Variants in ZNF236 observed in about 807,000 individuals in gnomAD.
ZNF236 encodes zinc finger protein 236, also known as regulated by glucose.
A neutral mutation model predicts 191.2 loss-of-function variants in ZNF236; 50 were observed. The observed-to-expected ratio is 0.26, with a 90% CI of 0.21 to 0.33. The LOEUF (loss-of-function observed/expected upper bound fraction) is 0.33. Ranked by LOEUF, ZNF236 falls within the 10% of genes least tolerant of loss-of-function variation. The pLI, the probability that ZNF236 is intolerant of heterozygous loss-of-function variation, is 1.00. For synonymous variants in ZNF236, 907 were observed against 928.8 expected, an observed-to-expected ratio of 0.98 and a Z score of 0.43; for missense variants, 1,754 against 2,374.5, an observed-to-expected ratio of 0.74 and a Z score of 5.43.
rs748028628 is a variant in ZNF236, at chr18:76,927,979, C to T, written c.4467C>T (p.Ser1489=). The T allele has an allele frequency of 1.6e-5, 26 of 1,613,520 alleles. No homozygotes were observed. Among genetic ancestry groups the T allele is most frequent in the South Asian group, 8.8e-5 (8 of 91,040 alleles). The change falls in exon 25 of 31, where the codon TCC becomes TCT. Residue 1489 remains serine (S), a synonymous_variant. Transcript: ENST00000320610. The surrounding 1 kb of genome is among the most constrained non-coding windows in gnomAD (Gnocchi z 5.4). ...VMTSQGLVSP[S]GGPHEITLTI... is the part of the protein sequence containing the mutation. ...CTTCGCAAGGTCTAGTGTCCCCCTC[C>T]GGCGGTCCCCACGAGATCACCCTGA...
chr18:76,922,186 C>T (rs948617455), intron 20 of ZNF236, among the ~76,000 whole-genome samples: 6 of 152,146 alleles, frequency 3.9e-5, no homozygotes, highest in Admixed American at 1.3e-4. Context: ...CCCCTCCCGA[C>T]GAACACTGAG....
At chr18:76,934,827 A>G (rs1056406361) in intron 25 of ZNF236, among the ~76,000 whole-genome samples, 5 of 152,248 alleles carry the variant, frequency 3.3e-5, no homozygotes, top group Non-Finnish European at 1.5e-5. Flanking sequence ...GAAAAAACTG[A>G]TATCATATCT....
intron 5 of ZNF236, among the ~76,000 whole-genome samples, chr18:76,874,164 ACTGT>A (rs1475890854): frequency 6.6e-6 from 1 of 151,526 alleles, no homozygotes; most frequent in African/African-American, 2.4e-5. Flanking sequence ...GTGCCTCCTG[ACTGT>A]CTGTCCTCCT....
Position 76,904,485 on chromosome 18 carries a change from C to T in ZNF236, c.2000C>T (p.Ala667Val). The T allele has an allele frequency of 6.2e-7, 1 of 1,605,898 alleles. No homozygotes were observed. The highest frequency in any genetic ancestry group is 8.5e-7 in the Non-Finnish European group (1 of 1,176,500). The change falls in exon 12 of 31, where the codon GCA (alanine) becomes GTA (valine). Residue 667 changes from alanine to valine, a missense_variant. By Grantham distance (64) the Ala-to-Val change is moderately conservative (BLOSUM62 0). This residue lies in a region of ZNF236 where 641 missense variants were observed against 869.6 expected (regional missense o/e 0.74). Transcript: ENST00000320610. ...RPYKCFYCHR[A>V]YKKSCHLKQH... is the part of the protein sequence containing the mutation. ...TACAAGTGTTTTTACTGTCATCGTG[C>T]ATATAAAAAATCTTGCCACCTTAAA...
intron 2 of ZNF236, among the ~76,000 whole-genome samples, chr18:76,850,074 T>A (rs918507328): frequency 6.6e-6 from 1 of 152,224 alleles, no homozygotes; most frequent in Non-Finnish European, 1.5e-5. Flanking sequence ...AGGTTGTGTT[T>A]CAGGAGGGAG....
chr18:76,840,477 A>G (rs371657858), intron 1 of ZNF236, among the ~76,000 whole-genome samples: 2 of 151,732 alleles, frequency 1.3e-5, no homozygotes, highest in Non-Finnish European at 2.9e-5. Context: ...CTGGGCAACA[A>G]GAGTGAAACT....
rs774527548 is a variant in ZNF236, at chr18:76,972,130, G to A, written c.*3791G>A. Among the ~76,000 whole-genome samples, 4 of 152,284 alleles carry A rather than the reference G, an allele frequency of 2.6e-5. No individual in the cohort carries two copies. Among genetic ancestry groups the A allele is most frequent in the East Asian group, 1.9e-4 (1 of 5,190 alleles). On this transcript the variant is annotated 3_prime_UTR_variant, in exon 31 of 31. Coordinates refer to ENST00000320610, the MANE Select transcript of ZNF236 (RefSeq NM_001306089.2). ...TTTTTTAGAATGAAATTTCAAAAGC[G>A]CCTACACGCACCACCCAATTTAATG...
intron 3 of ZNF236, among the ~76,000 whole-genome samples, chr18:76,854,384 A>G (rs908980546): frequency 6.6e-6 from 1 of 152,154 alleles, no homozygotes; most frequent in African/African-American, 2.4e-5. Flanking sequence ...TTTCCATAAT[A>G]TATTGTAAAT....
intron 3 of ZNF236, among the ~76,000 whole-genome samples, chr18:76,866,436 G>A (rs1976407138): frequency 1.3e-5 from 2 of 152,200 alleles, no homozygotes; most frequent in Admixed American, 6.5e-5. Context: ...GGGGGATCCT[G>A]GAGGGGATTC....
chr18:76,843,645 G>A (rs368339782), intron 1 of ZNF236, among the ~76,000 whole-genome samples: 4 of 151,160 alleles, frequency 2.6e-5, no homozygotes, highest in East Asian at 2.0e-4. Context: ...GCATGGTGGC[G>A]TGCGCCTGTA....
intron 25 of ZNF236, chr18:76,936,292 G>A (rs1007246208): frequency 4.4e-6 from 2 of 455,870 alleles, no homozygotes; most frequent in Admixed American, 2.4e-5. Context: ...TGGATGGCTC[G>A]ACTGTGGGAT....
chr18:76,930,191 A>C (rs187599404), intron 25 of ZNF236, among the ~76,000 whole-genome samples: 77 of 152,318 alleles, frequency 5.1e-4, no homozygotes, highest in Non-Finnish European at 7.3e-4. Flanking sequence ...TACATTTTCT[A>C]CTTTTTAAAA....
At chr18:76,917,354 A>G (rs73488926) in intron 19 of ZNF236, among the ~76,000 whole-genome samples, 364 of 152,356 alleles carry the variant, frequency 2.4e-3, no homozygotes, top group African/African-American at 8.3e-3. Flanking sequence ...ATAATCTCTA[A>G]GCCGCTTTAC....
chr18:76,868,873 A>AT lies in ZNF236; in HGVS notation c.542+12dup. On this transcript the variant is annotated intron_variant, in intron 4 of 30. Transcript: ENST00000320610. ...CTCATTACAAAATTAGGTATGAGTCATTACATGGGCTTGGTCAAAAATCCA... is the reference window on the plus strand; with the variant it reads ...CTCATTACAAAATTAGGTATGAGTCATTTACATGGGCTTGGTCAAAAATCCA... The AT allele has an allele frequency of 1.3e-6, 2 of 1,579,174 alleles. No individual in the cohort carries two copies. Among genetic ancestry groups the AT allele is most frequent in the Non-Finnish European group, 1.7e-6 (2 of 1,161,918 alleles).
At chr18:76,956,939 T>C (rs1363206685) in intron 28 of ZNF236, among the ~76,000 whole-genome samples, 6 of 152,192 alleles carry the variant, frequency 3.9e-5, no homozygotes, top group Non-Finnish European at 8.8e-5. Context: ...ACATCAAGAC[T>C]GCTTCTGTCC....
chr18:76,936,347 G>A (rs940496331), intron 25 of ZNF236: 35 of 456,524 alleles, frequency 7.7e-5, no homozygotes, highest in African/African-American at 7.0e-4. Flanking sequence ...TACTTTCAAC[G>A]TTGTGTTCAC....
chr18:76,844,540 T>TG (rs1488009044), intron 1 of ZNF236, among the ~76,000 whole-genome samples: 2 of 152,118 alleles, frequency 1.3e-5, no homozygotes, highest in African/African-American at 4.8e-5. Context: ...ATAAAAAGCT[T>TG]GGGGGTTAGG....
chr18:76,925,658 A>AAAG lies in ZNF236; in HGVS notation c.4027+104_4027+105insAAG. On this transcript the variant is annotated intron_variant, in intron 22 of 30. Transcript: ENST00000320610. The surrounding 1 kb of genome is among the most constrained non-coding windows in gnomAD (Gnocchi z 5.7). ...AAGAGATGTTGTTTACCGTAGCACC[A>AAAG]CGTTTCCCTTCTTTGAGCCTTTTCC... 7.0e-7 allele frequency: 1 copy of AAAG among 1,433,946 alleles called. No individual in the cohort carries two copies. The highest frequency in any genetic ancestry group is 1.4e-5 in the South Asian group (1 of 69,320). The allele number at this position is 1,433,946 out of a possible 1,614,324, so 88.8% of individuals were successfully genotyped here.
At chr18:76,944,374 GTAAATAACC>G (rs1465619242) in intron 26 of ZNF236, among the ~76,000 whole-genome samples, 4 of 152,134 alleles carry the variant, frequency 2.6e-5, no homozygotes, top group African/African-American at 9.7e-5. Context: ...CAAACCAAAA[GTAAATAACC>G]TTTAGATTAT....
Sources: gnomAD v4.1 joint callset for allele counts (sites outside exome capture counted in the v4.1 genomes callset) on GRCh38, gnomAD v4.1.1 for gene constraint, gnomAD v4.1.1 regional missense constraint, Gnocchi (gnomAD v3.1) non-coding constraint, MANE v1.5 for transcripts, NCBI Gene and HGNC (gene_info 2026-07-23, HGNC 2026-07-21) for gene names.